ATG7: variants seen among roughly 807,000 people sequenced by gnomAD.
ATG7 encodes autophagy related 7.
ATG7 carries 70 observed loss-of-function variants against 82.4 expected under a neutral mutation model. The ratio of observed to expected loss-of-function variants is 0.85; its 90% CI spans 0.70 to 1.04. ATG7 has a LOEUF of 1.04. ATG7 is among the 50% of genes least tolerant of loss of function. The pLI is 0.00. For missense variants in ATG7, 792 were observed against 864.3 expected, an observed-to-expected ratio of 0.92 and a Z score of 1.05; for synonymous variants, 287 against 313.0, an observed-to-expected ratio of 0.92 and a Z score of 0.88.
intron 20 of ATG7, among the ~76,000 whole-genome samples, chr3:11,547,091 G>A (rs537826749): frequency 4.6e-5 from 7 of 152,230 alleles, no homozygotes; most frequent in Non-Finnish European, 8.8e-5. Context: ...CGTGACAGGC[G>A]GTGAATGGAA....
intron 19 of ATG7, among the ~76,000 whole-genome samples, chr3:11,423,126 G>A (rs189399933): frequency 2.1e-3 from 325 of 152,266 alleles, no homozygotes; most frequent in Non-Finnish European, 3.8e-3. Flanking sequence ...CTTTGAGGCC[G>A]TTGTAATTGG....
intron 20 of ATG7, chr3:11,510,111 T>A (rs753172091): frequency 5.3e-6 from 2 of 377,420 alleles, no homozygotes; most frequent in African/African-American, 4.2e-5. Flanking sequence ...CCAGCTGGTG[T>A]CTGCAGAAAT....
intron 1 of ATG7, chr3:11,277,378 A>G (rs1942036022): frequency 6.6e-6 from 1 of 152,308 alleles, no homozygotes; most frequent in South Asian, 2.1e-4. Flanking sequence ...CCTTGCTGCC[A>G]TACAGAACTC....
intron 20 of ATG7, among the ~76,000 whole-genome samples, chr3:11,538,240 A>G (rs768028543): frequency 1.3e-5 from 2 of 152,192 alleles, no homozygotes; most frequent in Non-Finnish European, 2.9e-5. Flanking sequence ...CTGCCCTCTC[A>G]ACGCTGACCT....
chr3:11,389,231 T>C (rs1360001056), intron 19 of ATG7, among the ~76,000 whole-genome samples: 2 of 30,302 alleles, frequency 6.6e-5, no homozygotes, highest in African/African-American at 2.1e-4. Flanking sequence ...AGACCCTGTC[T>C]CAAAAAAAAA....
Position 11,515,031 on chromosome 3 carries a change from G to A in ATG7, c.2080-39780G>A, listed in dbSNP as rs145751108. On this transcript the variant is annotated intron_variant, in intron 20 of 20. Transcript: ENST00000693202. ...AAATTTTGTGTTTTTAGTAGAGACA[G>A]GGTTTCACCATGTTGGTCAGGCTAG... Among the ~76,000 whole-genome samples, 9 of 152,078 alleles carry A rather than the reference G, an allele frequency of 5.9e-5. No individual in the cohort carries two copies. The East Asian group carries it at 1.6e-3, about 26-fold the overall frequency.
chr3:11,370,432 C>T (rs1208868852), intron 18 of ATG7, among the ~76,000 whole-genome samples: 3 of 151,342 alleles, frequency 2.0e-5, no homozygotes, highest in Non-Finnish European at 1.5e-5. Context: ...GCAATTGCTA[C>T]ACTCTCCATT....
At chr3:11,529,656 G>C (rs959176589) in intron 20 of ATG7, 4 of 156,838 alleles carry the variant, frequency 2.6e-5, no homozygotes, top group Admixed American at 2.5e-4. Context: ...CTTAAAAATA[G>C]GGAACTTCTT....
chr3:11,464,236 G>A (rs763254012), intron 20 of ATG7, among the ~76,000 whole-genome samples: 64 of 152,144 alleles, frequency 4.2e-4, no homozygotes, highest in Middle Eastern at 6.8e-3. Flanking sequence ...GCCAGGCATG[G>A]TGTTATGCAC....
chr3:11,430,017 G>C (rs1281792755), intron 20 of ATG7, among the ~76,000 whole-genome samples: 1 of 150,676 alleles, frequency 6.6e-6, no homozygotes, highest in Admixed American at 6.6e-5. Flanking sequence ...TAGCTCCTCA[G>C]TTCCTTTCCT....
At chr3:11,423,661 A>G (rs1424461362) in intron 19 of ATG7, among the ~76,000 whole-genome samples, 3 of 151,634 alleles carry the variant, frequency 2.0e-5, no homozygotes, top group Non-Finnish European at 2.9e-5. Flanking sequence ...TTAATTTCCC[A>G]TGGCTAATCA....
chr3:11,465,878 G>A (rs2086782960), intron 20 of ATG7, among the ~76,000 whole-genome samples: 1 of 152,164 alleles, frequency 6.6e-6, no homozygotes, highest in African/African-American at 2.4e-5. Context: ...AAAGCCCCTG[G>A]TTAGCTTTAA....
chr3:11,324,283 G>A (rs1271078023), intron 9 of ATG7, among the ~76,000 whole-genome samples: 8 of 152,104 alleles, frequency 5.3e-5, no homozygotes, highest in African/African-American at 7.2e-5. Flanking sequence ...CTGTTTAACC[G>A]TAGTATAAGC....
chr3:11,426,776 CT>C (rs776452156), intron 19 of ATG7, 27 bp from the exon 20 acceptor site: 18 of 1,535,586 alleles, frequency 1.2e-5, no homozygotes, highest in Non-Finnish European at 1.6e-5. Flanking sequence ...CTGGAGACTC[CT>C]TTTTAAAAAA....
Position 11,436,346 on chromosome 3 carries a change from T to C in ATG7, c.2079+9420T>C, listed in dbSNP as rs1204736884. On this transcript the variant is annotated intron_variant, in intron 20 of 20. Coordinates refer to ENST00000693202, the MANE Select transcript of ATG7 (RefSeq NM_001349232.2). The stretch of plus-strand genomic sequence containing the variant: ...AATGTTTATGAAGATGTAGGGAAAT[T>C]AGAAGCCTCCTACCTACTAGTGGGA... 2.6e-5 allele frequency among the ~76,000 whole-genome samples: 4 copies of C among 152,298 alleles called. No homozygotes were observed. The South Asian group carries it at 6.2e-4, about 24-fold the overall frequency.
chr3:11,320,470 T>C (rs1950071031), intron 9 of ATG7, among the ~76,000 whole-genome samples: 1 of 152,154 alleles, frequency 6.6e-6, no homozygotes, highest in Non-Finnish European at 1.5e-5. Flanking sequence ...TTATCTTTAG[T>C]AGAGATGGGG....
At chr3:11,332,558 C>G (rs1484603334) in intron 10 of ATG7, among the ~76,000 whole-genome samples, 1 of 152,168 alleles carries the variant, frequency 6.6e-6, no homozygotes, top group Admixed American at 6.5e-5. Context: ...AAATGGGCTT[C>G]CTAACTACTG....
intron 14 of ATG7, among the ~76,000 whole-genome samples, chr3:11,353,016 T>C (rs1478118211): frequency 6.6e-6 from 1 of 152,248 alleles, no homozygotes; most frequent in African/African-American, 2.4e-5. Context: ...ATTGGTTTTA[T>C]TAATGCAAGA....
intron 9 of ATG7, among the ~76,000 whole-genome samples, chr3:11,329,958 CTTTGATTTTT>C (rs1005525218): frequency 7.9e-5 from 12 of 151,868 alleles, no homozygotes; most frequent in African/African-American, 2.9e-4. Flanking sequence ...CTCAGGCTTT[CTTTGATTTTT>C]TTTGATGACC....
Sources: gnomAD v4.1 joint callset for allele counts (sites outside exome capture counted in the v4.1 genomes callset) on GRCh38, gnomAD v4.1.1 for gene constraint, MANE v1.5 for transcripts, NCBI Gene and HGNC (gene_info 2026-07-23, HGNC 2026-07-21) for gene names.